Variants in QRFPR observed in about 807,000 individuals in gnomAD.
QRFPR encodes pyroglutamylated RF-amide peptide receptor.
In QRFPR, 37 loss-of-function variants were observed where a neutral mutation model predicts 31.3. That is an observed-to-expected ratio of 1.18 (90% CI 0.91 to 1.56). The LOEUF is 1.56. QRFPR is among the 40% of genes most tolerant of loss of function. The probability of loss-of-function intolerance (pLI) is 0.00; values close to 1 mark genes in which losing one functional copy is unlikely to be tolerated. For synonymous variants in QRFPR, 197 were observed against 192.0 expected (o/e 1.03, Z -0.22); for missense variants, 542 against 532.5 (o/e 1.02, Z -0.18).
At chr4:121,349,186 A>T (rs1277081521) in intron 1 of QRFPR, among the ~76,000 whole-genome samples, 1 of 152,214 alleles carries the variant, frequency 6.6e-6, no homozygotes, top group Admixed American at 6.5e-5. Context: ...CTTTGTAATT[A>T]GAAATCTGAA....
chr4:121,357,862 G>C (rs1172321196), intron 1 of QRFPR, among the ~76,000 whole-genome samples: 1 of 152,130 alleles, frequency 6.6e-6, no homozygotes, highest in Non-Finnish European at 1.5e-5. Flanking sequence ...GGGCTTCAGG[G>C]GGAGAGGATA....
At chr4:121,350,857 A>G (rs1725749757) in intron 1 of QRFPR, among the ~76,000 whole-genome samples, 1 of 152,194 alleles carries the variant, frequency 6.6e-6, no homozygotes, top group Non-Finnish European at 1.5e-5. Flanking sequence ...GAAAATGTCA[A>G]ATGAGGAGAC....
At chr4:121,334,366 C>T (rs1296971305) in intron 3 of QRFPR, 1 of 154,472 alleles carries the variant, frequency 6.5e-6, no homozygotes, top group Non-Finnish European at 1.5e-5. Flanking sequence ...TCTAAAATTC[C>T]ACTGCCTAAT....
At chr4:121,371,992 T>C (rs1164861230) in intron 1 of QRFPR, among the ~76,000 whole-genome samples, 1 of 152,196 alleles carries the variant, frequency 6.6e-6, no homozygotes, top group African/African-American at 2.4e-5. Context: ...GTATGGGCAA[T>C]GGGTTGCCCT....
chr4:121,358,318 T>C (rs1437750478), intron 1 of QRFPR, among the ~76,000 whole-genome samples: 7 of 152,190 alleles, frequency 4.6e-5, no homozygotes, highest in Non-Finnish European at 4.4e-5. Flanking sequence ...TAATGTTAGC[T>C]AATTTTTCTG....
At position 121,370,394 on chromosome 4, in the gene QRFPR, A is replaced by G. The variant is rs990628530; in HGVS notation, c.340+9914T>C. ...TTTTCTATATAGAATCCCTGCCACC[A>G]CGGTGAAATGATGTGACGACTAAGC... is the stretch of plus-strand genomic sequence containing the variant. On this transcript the variant is annotated intron_variant, in intron 1 of 5. Coordinates refer to ENST00000394427, the MANE Select transcript of QRFPR (RefSeq NM_198179.3). The G allele has an allele frequency of 1.0e-5, 7 of 699,926 alleles. No individual in the cohort carries two copies. The Admixed American group carries it at 1.3e-4, about 13-fold the overall frequency. The allele number at this position is 699,926 out of a possible 1,614,324, so 43.4% of individuals were successfully genotyped here.
intron 1 of QRFPR, among the ~76,000 whole-genome samples, chr4:121,377,624 T>C (rs1456773689): frequency 6.6e-6 from 1 of 152,138 alleles, no homozygotes; most frequent in Non-Finnish European, 1.5e-5. Flanking sequence ...GAATTATTCT[T>C]CCAGACCCAG....
chr4:121,376,873 T>C (rs1407150362), intron 1 of QRFPR, among the ~76,000 whole-genome samples: 2 of 152,142 alleles, frequency 1.3e-5, no homozygotes, highest in Non-Finnish European at 2.9e-5. Context: ...AGCTGACTTC[T>C]CTAGTGCTTA....
intron 4 of QRFPR, 78 bp from the exon 5 acceptor site, chr4:121,330,601 T>C (rs1180529544): frequency 1.9e-6 from 2 of 1,051,652 alleles, no homozygotes; most frequent in Non-Finnish European, 2.9e-6. Flanking sequence ...GCTATTAAAG[T>C]CTGAGCTTAG....
intron 1 of QRFPR, among the ~76,000 whole-genome samples, chr4:121,347,352 T>C (rs1403829045): frequency 6.6e-6 from 1 of 152,126 alleles, no homozygotes; most frequent in Non-Finnish European, 1.5e-5. Context: ...CTAAATAAAT[T>C]GCCTTATACC....
chr4:121,369,435 A>T lies in QRFPR; in HGVS notation c.340+10873T>A. The T allele has an allele frequency of 3.5e-6, 3 of 849,498 alleles. No homozygotes were observed. In the Admixed American group the frequency reaches 6.9e-5, roughly 20 times the overall value. 52.6% of individuals were successfully genotyped at this position (849,498 alleles called of 1,614,324 possible). ...ATCCCTGGAAAGAAAGGGCTCTAGA[A>T]GCCAGTGGGTGTGAGCACATTCAAG... On this transcript the variant is annotated intron_variant, in intron 1 of 5. Coordinates refer to ENST00000394427, the MANE Select transcript of QRFPR (RefSeq NM_198179.3).
intron 1 of QRFPR, among the ~76,000 whole-genome samples, chr4:121,346,587 G>A (rs1394783781): frequency 2.0e-5 from 3 of 152,160 alleles, no homozygotes; most frequent in African/African-American, 7.2e-5. Flanking sequence ...CATAAGAGTG[G>A]TGAGAAGCAG....
At position 121,363,861 on chromosome 4, in the gene QRFPR, T is replaced by G. The variant is rs1196912569; in HGVS notation, c.340+16447A>C. ...ATCCAGATTGTGGGGAATATCAGGATGGGATAGTTGCATGAATAAGACTGA... is the reference window on the plus strand; with the variant it reads ...ATCCAGATTGTGGGGAATATCAGGAGGGGATAGTTGCATGAATAAGACTGA... On this transcript the variant is annotated intron_variant, in intron 1 of 5. Coordinates refer to ENST00000394427, the MANE Select transcript of QRFPR (RefSeq NM_198179.3). Among the ~76,000 whole-genome samples, 2 of 149,694 alleles carry G rather than the reference T, an allele frequency of 1.3e-5. 1 individual carries two copies. Among genetic ancestry groups the G allele is most frequent in the Non-Finnish European group, 3.0e-5 (2 of 67,520 alleles).
intron 1 of QRFPR, among the ~76,000 whole-genome samples, chr4:121,351,543 T>C (rs1395172134): frequency 6.6e-6 from 1 of 152,170 alleles, no homozygotes; most frequent in Non-Finnish European, 1.5e-5. Flanking sequence ...AAAATGAGCC[T>C]GGGTTAAACA....
intron 4 of QRFPR, among the ~76,000 whole-genome samples, chr4:121,332,545 C>T (rs1725346353): frequency 6.6e-6 from 1 of 152,094 alleles, no homozygotes; most frequent in South Asian, 2.1e-4. Context: ...TGACACCAGC[C>T]CACAGTCTTC....
At chr4:121,361,368 C>T (rs1033618011) in intron 1 of QRFPR, among the ~76,000 whole-genome samples, 1 of 149,934 alleles carries the variant, frequency 6.7e-6, no homozygotes, top group African/African-American at 2.5e-5. Flanking sequence ...GCATAGAGTC[C>T]TGATTACTGT....
intron 1 of QRFPR, among the ~76,000 whole-genome samples, chr4:121,366,074 G>A (rs748789275): frequency 5.4e-5 from 8 of 149,116 alleles, no homozygotes; most frequent in Non-Finnish European, 1.2e-4. Flanking sequence ...TTCGAGGGGT[G>A]GAACTGCTGA....
At chr4:121,369,480 G>A in intron 1 of QRFPR, 1 of 1,169,642 alleles carries the variant, frequency 8.5e-7, no homozygotes, top group Non-Finnish European at 1.2e-6. Context: ...TTGAGATTAT[G>A]TGCCCGTGGT....
At chr4:121,340,644 A>G in intron 1 of QRFPR, 34 bp from the exon 2 acceptor site, 1 of 1,589,336 alleles carries the variant, frequency 6.3e-7, no homozygotes, top group Non-Finnish European at 8.6e-7. Flanking sequence ...TCATACATCA[A>G]AACAAAAAGA....
Sources: gnomAD v4.1 joint callset for allele counts (sites outside exome capture counted in the v4.1 genomes callset) on GRCh38, gnomAD v4.1.1 for gene constraint, MANE v1.5 for transcripts, NCBI Gene and HGNC (gene_info 2026-07-23, HGNC 2026-07-21) for gene names.